Variants in NWD2 observed in about 807,000 individuals in gnomAD.
The protein encoded by NWD2 is NACHT and WD repeat domain-containing protein 2.
In NWD2, 37 loss-of-function variants were observed where a neutral mutation model predicts 132.7. That is an observed-to-expected ratio of 0.28 (90% CI 0.21 to 0.37). NWD2 has a LOEUF of 0.37. Ranked by LOEUF, NWD2 falls within the 10% of genes least tolerant of loss-of-function variation. The pLI, the probability that NWD2 is intolerant of heterozygous loss-of-function variation, is 1.00. For missense variants in NWD2, 1,592 were observed against 2,122.4 expected, an observed-to-expected ratio of 0.75 and a Z score of 4.91; for synonymous variants, 705 against 803.0, an observed-to-expected ratio of 0.88 and a Z score of 2.06.
At chr4:37,350,340 G>A (rs1275903070) in intron 2 of NWD2, among the ~76,000 whole-genome samples, 1 of 152,146 alleles carries the variant, frequency 6.6e-6, no homozygotes, top group Non-Finnish European at 1.5e-5. Flanking sequence ...CCATTTGTTT[G>A]TGTCCTCTCT....
chr4:37,305,293 C>T (rs1002689737), intron 1 of NWD2, among the ~76,000 whole-genome samples: 13 of 152,214 alleles, frequency 8.5e-5, no homozygotes, highest in African/African-American at 2.9e-4. Context: ...GGGTTGCTGC[C>T]AAGGTCCCTG....
intron 1 of NWD2, among the ~76,000 whole-genome samples, chr4:37,310,159 C>G (rs142943496): frequency 1.3e-5 from 2 of 152,304 alleles, no homozygotes; most frequent in African/African-American, 2.4e-5. Flanking sequence ...TAAAAGTCAC[C>G]AAGATTTAAT....
At chr4:37,296,923 T>G (rs1341126292) in intron 1 of NWD2, among the ~76,000 whole-genome samples, 1 of 152,188 alleles carries the variant, frequency 6.6e-6, no homozygotes, top group Non-Finnish European at 1.5e-5. Flanking sequence ...TGGTTCAGTA[T>G]TCACAATCCA....
At chr4:37,247,758 C>T (rs559726631) in intron 1 of NWD2, among the ~76,000 whole-genome samples, 35 of 151,948 alleles carry the variant, frequency 2.3e-4, no homozygotes, top group Admixed American at 3.9e-4. Context: ...TACAGGTGCC[C>T]ACCACTACGC....
intron 1 of NWD2, among the ~76,000 whole-genome samples, chr4:37,274,546 A>G (rs1205789695): frequency 6.6e-6 from 1 of 152,204 alleles, no homozygotes; most frequent in East Asian, 1.9e-4. Context: ...ATTCCAATCA[A>G]TAGAAAAAGA....
intron 3 of NWD2, among the ~76,000 whole-genome samples, chr4:37,390,613 C>T (rs987320305): frequency 3.3e-5 from 5 of 152,038 alleles, no homozygotes; most frequent in Admixed American, 6.6e-5. Flanking sequence ...CCTACTCAGG[C>T]GATTATCTGT....
chr4:37,396,627 T>C (rs1484760749), intron 3 of NWD2, among the ~76,000 whole-genome samples: 1 of 152,210 alleles, frequency 6.6e-6, no homozygotes, highest in Non-Finnish European at 1.5e-5. Context: ...TTCTATAAGC[T>C]TCTTCAGCTC....
At chr4:37,246,815 T>C (rs958927) in intron 1 of NWD2, among the ~76,000 whole-genome samples, 25,731 of 152,248 alleles carry the variant, frequency 0.17, 2,375 homozygotes, top group Admixed American at 0.23. Context: ...TTTAAACTTG[T>C]GGCTTCTAAA....
Position 37,356,490 on chromosome 4 carries a change from T to TA in NWD2, c.357+15dup, listed in dbSNP as rs1560402942. ...GCAGGTCCATGTTTTGTTGTGGGTA[T>TA]AAAAAAACTAATGCTTTATATTAAC... On this transcript the variant is annotated intron_variant, in intron 3 of 6. Transcript: ENST00000309447. 6.9e-6 allele frequency: 10 copies of TA among 1,447,068 alleles called. No homozygotes were observed. Among genetic ancestry groups the TA allele is most frequent in the Non-Finnish European group, 8.6e-6 (9 of 1,052,236 alleles). 89.6% of individuals were successfully genotyped at this position (1,447,068 alleles called of 1,614,324 possible).
intron 3 of NWD2, among the ~76,000 whole-genome samples, chr4:37,377,197 A>G (rs1431689767): frequency 6.6e-6 from 1 of 152,180 alleles, no homozygotes. Context: ...GACCACTCCA[A>G]TCACCATGTG....
chr4:37,415,871 G>A (rs144163092), intron 3 of NWD2, among the ~76,000 whole-genome samples: 58 of 152,210 alleles, frequency 3.8e-4, no homozygotes, highest in African/African-American at 1.3e-3. Flanking sequence ...AACACTTACT[G>A]AGCCAGCTTT....
intron 3 of NWD2, among the ~76,000 whole-genome samples, chr4:37,395,656 G>A (rs1211715716): frequency 6.7e-6 from 1 of 149,728 alleles, no homozygotes; most frequent in Non-Finnish European, 1.5e-5. Flanking sequence ...TTATGGGGAA[G>A]GGGCCTTGTC....
intron 3 of NWD2, among the ~76,000 whole-genome samples, chr4:37,425,943 T>C (rs143828622): frequency 1.4e-4 from 22 of 152,324 alleles, no homozygotes; most frequent in African/African-American, 4.6e-4. Context: ...GGAATCCATC[T>C]TGCTGCCTAG....
chr4:37,281,527 G>A (rs1481790468), intron 1 of NWD2, among the ~76,000 whole-genome samples: 1 of 152,036 alleles, frequency 6.6e-6, no homozygotes, highest in Non-Finnish European at 1.5e-5. Flanking sequence ...GGGGGAGGAG[G>A]AGGAGAACTG....
intron 2 of NWD2, among the ~76,000 whole-genome samples, chr4:37,338,031 C>G (rs998300600): frequency 6.6e-6 from 1 of 152,334 alleles, no homozygotes; most frequent in Middle Eastern, 3.4e-3. Flanking sequence ...TGTCTTTGCA[C>G]AAGCTTTTGT....
chr4:37,427,843 A>T (rs1246403723), intron 3 of NWD2, among the ~76,000 whole-genome samples: 1 of 141,186 alleles, frequency 7.1e-6, no homozygotes, highest in Admixed American at 7.1e-5. Flanking sequence ...CCAACCAGGG[A>T]TATGTTTATA....
chr4:37,289,442 T>A (rs2109271517), intron 1 of NWD2, among the ~76,000 whole-genome samples: 1 of 152,308 alleles, frequency 6.6e-6, no homozygotes, highest in African/African-American at 2.4e-5. Context: ...AATTGTACAG[T>A]AAACACTTAT....
intron 1 of NWD2, among the ~76,000 whole-genome samples, chr4:37,309,078 G>A (rs1441815066): frequency 6.6e-6 from 1 of 152,312 alleles, no homozygotes; most frequent in East Asian, 1.9e-4. Flanking sequence ...GTCAGCATTG[G>A]CAGGCCCTTG....
At chr4:37,344,297 G>A (rs1719587803) in intron 2 of NWD2, among the ~76,000 whole-genome samples, 1 of 152,020 alleles carries the variant, frequency 6.6e-6, no homozygotes, top group African/African-American at 2.4e-5. Context: ...TGAGTTGGCT[G>A]TTTCATTTAT....
Sources: allele counts gnomAD v4.1 joint callset (sites outside exome capture counted in the v4.1 genomes callset), GRCh38; gene constraint gnomAD v4.1.1; transcripts MANE v1.5; gene names NCBI Gene and HGNC (gene_info 2026-07-23, HGNC 2026-07-21).